PDZD2: variants seen among roughly 807,000 people sequenced by gnomAD.
PDZD2 encodes PDZ domain containing 2, also known as PDZ domain-containing protein 2.
In PDZD2, 90 loss-of-function variants were observed where a neutral mutation model predicts 220.7. The ratio of observed to expected loss-of-function variants is 0.41; its 90% CI spans 0.34 to 0.49. The LOEUF (loss-of-function observed/expected upper bound fraction) is 0.49. Ranked by LOEUF, PDZD2 falls within the 20% of genes least tolerant of loss-of-function variation. The probability of loss-of-function intolerance (pLI) is 0.28; values close to 1 mark genes in which losing one functional copy is unlikely to be tolerated. For missense variants in PDZD2, 3,174 were observed against 3,608.5 expected (o/e 0.88, Z 3.08); for synonymous variants, 1,375 against 1,450.5 (o/e 0.95, Z 1.18).
chr5:32,081,738 T>C (rs2112439727), intron 19 of PDZD2, among the ~76,000 whole-genome samples: 1 of 152,358 alleles, frequency 6.6e-6, no homozygotes, highest in East Asian at 1.9e-4. Flanking sequence ...TTGTTTTGTT[T>C]TGTGGCGGAG....
At chr5:31,938,836 C>A (rs927639555) in intron 2 of PDZD2, among the ~76,000 whole-genome samples, 1 of 152,128 alleles carries the variant, frequency 6.6e-6, no homozygotes, top group Non-Finnish European at 1.5e-5. Flanking sequence ...ATTGTTATGT[C>A]ATTTCTAATA....
chr5:31,959,645 T>A (rs147572971), intron 2 of PDZD2, among the ~76,000 whole-genome samples: 14 of 152,284 alleles, frequency 9.2e-5, no homozygotes, highest in Non-Finnish European at 1.9e-4. Flanking sequence ...CCACTGCACC[T>A]GGCCTGTTGT....
chr5:32,023,919 C>A (rs1258228646), intron 6 of PDZD2, among the ~76,000 whole-genome samples: 1 of 152,210 alleles, frequency 6.6e-6, no homozygotes, highest in Non-Finnish European at 1.5e-5. Flanking sequence ...GTGGTGAAAT[C>A]TCATGCTGTC....
intron 1 of PDZD2, among the ~76,000 whole-genome samples, chr5:31,685,713 G>A (rs1052945905): frequency 7.9e-5 from 12 of 152,116 alleles, no homozygotes; most frequent in East Asian, 5.8e-4. Flanking sequence ...TTGTAAAAAC[G>A]AGGTTTCACC....
intron 2 of PDZD2, among the ~76,000 whole-genome samples, chr5:31,891,077 G>T (rs377174928): frequency 1.3e-5 from 2 of 150,340 alleles, no homozygotes; most frequent in African/African-American, 4.9e-5. Context: ...TCTCATTCTC[G>T]CTGCTTCCTC....
At chr5:31,697,385 C>T (rs948778535) in intron 1 of PDZD2, among the ~76,000 whole-genome samples, 1 of 152,150 alleles carries the variant, frequency 6.6e-6, no homozygotes, top group Non-Finnish European at 1.5e-5. Context: ...ATCACTTGAA[C>T]CCTGGAAGCA....
At position 31,934,475 on chromosome 5, in the gene PDZD2, C is replaced by G. The variant is rs550332732; in HGVS notation, c.477-48680C>G. On this transcript the variant is annotated intron_variant, in intron 2 of 24. Transcript: ENST00000438447. ...ACTAGTGACTTTCTGTCTTCTTTAT[C>G]TCATCAGTAAAAGGCGGATCCTGTT... 1.2e-4 allele frequency among the ~76,000 whole-genome samples: 18 copies of G among 152,164 alleles called. No individual in the cohort carries two copies. The East Asian group carries it at 3.5e-3, about 29-fold the overall frequency.
intron 1 of PDZD2, among the ~76,000 whole-genome samples, chr5:31,789,380 C>A (rs962038049): frequency 1.3e-5 from 2 of 152,186 alleles, no homozygotes; most frequent in African/African-American, 2.4e-5. Context: ...AAAAAGCGAG[C>A]AGGATACTCT....
At chr5:32,086,868 T>A (rs865920773) in intron 19 of PDZD2, among the ~76,000 whole-genome samples, 8 of 109,656 alleles carry the variant, frequency 7.3e-5, no homozygotes, top group African/African-American at 1.7e-4. Context: ...TTTTTTTTTT[T>A]AGTAGAGATG....
intron 2 of PDZD2, among the ~76,000 whole-genome samples, chr5:31,858,159 C>T (rs1758624337): frequency 6.6e-6 from 1 of 151,968 alleles, no homozygotes; most frequent in Admixed American, 6.6e-5. Context: ...GGCGGGGTTT[C>T]ACCATGTTGG....
rs1745137515 is a variant in PDZD2, at chr5:31,646,383, C to T, written c.-361+6946C>T. Among the ~76,000 whole-genome samples the T allele has an allele frequency of 6.6e-6, 1 of 152,072 alleles. No homozygotes were observed. The highest frequency in any genetic ancestry group is 2.1e-4 in the South Asian group (1 of 4,814). On this transcript the variant is annotated intron_variant, in intron 1 of 24. Coordinates refer to ENST00000438447, the MANE Select transcript of PDZD2 (RefSeq NM_178140.4). The surrounding 1 kb of genome is among the most constrained non-coding windows in gnomAD (Gnocchi z 4.7). Reference sequence around the variant, plus strand: ...CCACAAATGTCTTCAGGAACCTGACCCCTCCACGTCATGAACACTAAGTAG... The same window carrying T: ...CCACAAATGTCTTCAGGAACCTGACTCCTCCACGTCATGAACACTAAGTAG...
chr5:32,079,555 C>T (rs1429644070), intron 19 of PDZD2, among the ~76,000 whole-genome samples: 1 of 151,932 alleles, frequency 6.6e-6, no homozygotes, highest in African/African-American at 2.4e-5. Flanking sequence ...ACCTGTAATC[C>T]CAGCACTTTG....
intron 23 of PDZD2, chr5:32,099,746 C>T (rs1372304755): frequency 6.6e-6 from 1 of 152,266 alleles, no homozygotes; most frequent in Admixed American, 6.5e-5. Context: ...GATGGTCCTT[C>T]TGTCATTTAT....
At chr5:31,760,423 T>C (rs1432092438) in intron 1 of PDZD2, among the ~76,000 whole-genome samples, 15 of 152,122 alleles carry the variant, frequency 9.9e-5, no homozygotes, top group Admixed American at 9.8e-4. Context: ...CCATGAACTA[T>C]AAAAATAAGG....
chr5:32,036,075 C>G (rs1214283884), intron 6 of PDZD2, among the ~76,000 whole-genome samples: 4 of 152,196 alleles, frequency 2.6e-5, no homozygotes, highest in Admixed American at 2.0e-4. Context: ...TCTCGAGTAG[C>G]TGGGACTACA....
intron 2 of PDZD2, among the ~76,000 whole-genome samples, chr5:31,953,059 C>CAAAA (rs776311443): frequency 1.9e-5 from 1 of 53,930 alleles, no homozygotes; most frequent in Non-Finnish European, 3.8e-5. Context: ...GACTCCATCT[C>CAAAA]AAAAAAAAAA....
chr5:31,641,903 A>T (rs1744962354), intron 1 of PDZD2, among the ~76,000 whole-genome samples: 2 of 151,996 alleles, frequency 1.3e-5, no homozygotes, highest in African/African-American at 4.8e-5. Context: ...AACAGTTGCT[A>T]ATCAACTTCC....
intron 2 of PDZD2, among the ~76,000 whole-genome samples, chr5:31,825,276 G>T (rs1023321599): frequency 6.6e-6 from 1 of 152,174 alleles, no homozygotes; most frequent in Non-Finnish European, 1.5e-5. Flanking sequence ...CCGTACTACA[G>T]TTACAGAATG....
intron 1 of PDZD2, among the ~76,000 whole-genome samples, chr5:31,739,315 A>G (rs1285878689): frequency 6.6e-6 from 1 of 152,222 alleles, no homozygotes; most frequent in Non-Finnish European, 1.5e-5. Context: ...ATCCTGCAGA[A>G]CTAATAGGAA....
Sources: gnomAD v4.1 joint callset for allele counts (sites outside exome capture counted in the v4.1 genomes callset) on GRCh38, gnomAD v4.1.1 for gene constraint, Gnocchi (gnomAD v3.1) non-coding constraint, MANE v1.5 for transcripts, NCBI Gene and HGNC (gene_info 2026-07-23, HGNC 2026-07-21) for gene names.